ANTXR1: variants seen among roughly 807,000 people sequenced by gnomAD.
ANTXR1 encodes the protein anthrax toxin receptor 1.
Under a neutral mutation model 78.1 loss-of-function variants are expected in ANTXR1, and 19 were observed. The observed-to-expected ratio is 0.24, with a 90% confidence interval of 0.17 to 0.36. The LOEUF is 0.36. Ranked by LOEUF, ANTXR1 falls within the 10% of genes least tolerant of loss-of-function variation. The pLI is 1.00. For missense variants in ANTXR1, 518 were observed against 718.6 expected (o/e 0.72, Z 3.19); for synonymous variants, 273 against 260.5 (o/e 1.05, Z -0.46).
At chr2:69,244,263 G>A (rs1174931535) in intron 17 of ANTXR1, among the ~76,000 whole-genome samples, 1 of 152,242 alleles carries the variant, frequency 6.6e-6, no homozygotes. Flanking sequence ...GCATTGTTCA[G>A]TTGAGTACCC....
chr2:69,030,591 A>G (rs980253436), intron 1 of ANTXR1, among the ~76,000 whole-genome samples: 30 of 152,214 alleles, frequency 2.0e-4, no homozygotes, highest in Admixed American at 3.3e-4. Context: ...TGCTGAAGAT[A>G]AAAACTGTAT....
rs375502417 is a variant in ANTXR1 at position 69,182,057 on chromosome 2, G to T, written c.1185+176G>T. 25 of 662,788 alleles carry T rather than the reference G, an allele frequency of 3.8e-5. No individual in the cohort carries two copies. The East Asian group carries it at 6.3e-4, about 17-fold the overall frequency. 41.1% of individuals were successfully genotyped at this position (662,788 alleles called of 1,614,324 possible). ...AAAGCAAATTGCTGAAAACCTCCTT[G>T]AGGTCTGGTGGGGATATGGATTGTA... On this transcript the variant is annotated intron_variant, in intron 15 of 17. Coordinates refer to ENST00000303714, the MANE Select transcript of ANTXR1 (RefSeq NM_032208.3).
chr2:69,187,900 T>G (rs1351734514), intron 16 of ANTXR1, among the ~76,000 whole-genome samples: 1 of 151,812 alleles, frequency 6.6e-6, no homozygotes, highest in Non-Finnish European at 1.5e-5. Context: ...ACCATGTATT[T>G]CAAAGTGTAA....
intron 15 of ANTXR1, 82 bp from the exon 16 acceptor site, chr2:69,182,411 A>C: frequency 6.6e-7 from 1 of 1,508,344 alleles, no homozygotes; most frequent in Non-Finnish European, 9.1e-7. Context: ...TCACATTGCA[A>C]CTCATGCATG....
At chr2:69,223,159 G>A (rs1476780874) in intron 17 of ANTXR1, among the ~76,000 whole-genome samples, 1 of 152,188 alleles carries the variant, frequency 6.6e-6, no homozygotes, top group Non-Finnish European at 1.5e-5. Context: ...GTGCAGGCTG[G>A]CAGATGGCCC....
intron 3 of ANTXR1, among the ~76,000 whole-genome samples, chr2:69,062,524 C>G (rs1670275829): frequency 6.6e-6 from 1 of 152,174 alleles, no homozygotes; most frequent in African/African-American, 2.4e-5. Flanking sequence ...CAGCCCAGCC[C>G]AAGCTCACCC....
intron 17 of ANTXR1, among the ~76,000 whole-genome samples, chr2:69,242,967 G>A (rs1290104752): frequency 6.6e-6 from 1 of 152,238 alleles, no homozygotes; most frequent in Non-Finnish European, 1.5e-5. Context: ...GCAGTGCAGC[G>A]AGGAGGGGGT....
intron 9 of ANTXR1, among the ~76,000 whole-genome samples, chr2:69,097,945 C>T (rs549747634): frequency 2.6e-5 from 4 of 152,334 alleles, no homozygotes; most frequent in African/African-American, 9.6e-5. Flanking sequence ...ATAATTGTGA[C>T]TGTGTCCTAA....
chr2:69,014,327 C>T (rs1357073720), intron 1 of ANTXR1, among the ~76,000 whole-genome samples: 2 of 152,124 alleles, frequency 1.3e-5, no homozygotes, highest in African/African-American at 4.8e-5. Context: ...CCCCGCCCCC[C>T]ACTCCTTCCT....
chr2:69,174,632 AAAAG>A (rs1436818037), intron 14 of ANTXR1, among the ~76,000 whole-genome samples: 8 of 151,848 alleles, frequency 5.3e-5, no homozygotes, highest in Admixed American at 1.3e-4. Context: ...CTCAAAAAAA[AAAAG>A]AGAGAGAGAG....
intron 8 of ANTXR1, among the ~76,000 whole-genome samples, chr2:69,086,913 T>C (rs545116307): frequency 2.4e-4 from 36 of 152,352 alleles, no homozygotes; most frequent in South Asian, 1.2e-3. Context: ...GACAAAAACC[T>C]TGTCAGTTTT....
chr2:69,074,335 C>T (rs149635880), intron 6 of ANTXR1, among the ~76,000 whole-genome samples: 12 of 151,948 alleles, frequency 7.9e-5, no homozygotes, highest in Middle Eastern at 3.4e-3. Flanking sequence ...TGATTGGGTG[C>T]CAAATAACAG....
chr2:69,061,606 C>T (rs1441240899), intron 3 of ANTXR1, among the ~76,000 whole-genome samples: 1 of 151,542 alleles, frequency 6.6e-6, no homozygotes, highest in Non-Finnish European at 1.5e-5. Context: ...TATGGACAGA[C>T]AGCCAAAGAT....
At chr2:69,209,291 G>A (rs534876106) in intron 17 of ANTXR1, among the ~76,000 whole-genome samples, 57 of 152,300 alleles carry the variant, frequency 3.7e-4, no homozygotes, top group African/African-American at 1.3e-3. Flanking sequence ...CATGTTTGAC[G>A]AGAGCCATAT....
intron 9 of ANTXR1, among the ~76,000 whole-genome samples, chr2:69,098,661 T>C (rs1671506465): frequency 6.6e-6 from 1 of 152,232 alleles, no homozygotes; most frequent in Non-Finnish European, 1.5e-5. Flanking sequence ...TTGAGCTATA[T>C]TTTACATGCT....
At chr2:69,214,678 C>A (rs1045420035) in intron 17 of ANTXR1, among the ~76,000 whole-genome samples, 43 of 152,318 alleles carry the variant, frequency 2.8e-4, no homozygotes, top group African/African-American at 9.9e-4. Flanking sequence ...AATTTCTTAC[C>A]CCTCCTTGGT....
At chr2:69,221,223 A>G (rs1270278174) in intron 17 of ANTXR1, among the ~76,000 whole-genome samples, 1 of 152,226 alleles carries the variant, frequency 6.6e-6, no homozygotes, top group Non-Finnish European at 1.5e-5. Flanking sequence ...GTTCCTCAAA[A>G]TAGTCATCTC....
intron 12 of ANTXR1, 56 bp downstream of exon 12, chr2:69,124,699 G>A (rs1243272725): frequency 3.0e-5 from 47 of 1,585,406 alleles, no homozygotes; most frequent in Non-Finnish European, 2.3e-5. Context: ...CACTATCAAC[G>A]TTTCTTAAGC....
At position 69,086,661 on chromosome 2, in the gene ANTXR1, G is replaced by GCACATGTAAAC. The variant is rs1671059071; in HGVS notation, c.643-4191_643-4190insAAACCACATGT. On this transcript the variant is annotated intron_variant, in intron 8 of 17. Transcript: ENST00000303714. ...GCCAGGGGTGGGCGATGGGGCGTAAGCACATGTGAACCACGGTCCACGCCC... is the reference window on the plus strand; with the variant it reads ...GCCAGGGGTGGGCGATGGGGCGTAAGCACATGTAAACCACATGTGAACCACGGTCCACGCCC... Among the ~76,000 whole-genome samples the GCACATGTAAAC allele has an allele frequency of 3.3e-5, 5 of 152,148 alleles. No individual in the cohort carries two copies. In the South Asian group the frequency reaches 1.0e-3, roughly 32 times the overall value.
Sources: allele counts gnomAD v4.1 joint callset (sites outside exome capture counted in the v4.1 genomes callset), GRCh38; gene constraint gnomAD v4.1.1; transcripts MANE v1.5; gene names NCBI Gene and HGNC (gene_info 2026-07-23, HGNC 2026-07-21).